The following SUMF1 variants were observed in gnomAD, a reference collection of about 807,000 sequenced individuals.
SUMF1 encodes the protein formylglycine-generating enzyme.
A neutral mutation model predicts 47.6 loss-of-function variants in SUMF1; 48 were observed. The ratio of observed to expected loss-of-function variants is 1.01; its 90% CI spans 0.80 to 1.28. The LOEUF is 1.28. Ranked by LOEUF, SUMF1 falls within the 50% of genes most tolerant of loss-of-function variation. The pLI is 0.00. For synonymous variants in SUMF1, 230 were observed against 192.1 expected, an observed-to-expected ratio of 1.20 and a Z score of -1.63; for missense variants, 571 against 485.4, an observed-to-expected ratio of 1.18 and a Z score of -1.66.
intron 8 of SUMF1, among the ~76,000 whole-genome samples, chr3:4,159,680 C>G (rs1031231428): frequency 6.6e-6 from 1 of 152,002 alleles, no homozygotes; most frequent in Non-Finnish European, 1.5e-5. Context: ...TAAATAACAT[C>G]CTTTTCTTAA....
intron 9 of SUMF1, among the ~76,000 whole-genome samples, chr3:4,055,664 G>A (rs972861831): frequency 6.6e-6 from 1 of 151,974 alleles, no homozygotes; most frequent in African/African-American, 2.4e-5. Context: ...TACATTTTTT[G>A]TAGAGATGGG....
chr3:4,436,852 A>T (rs369666362), intron 3 of SUMF1, among the ~76,000 whole-genome samples: 305 of 83,016 alleles, frequency 3.7e-3, no homozygotes, highest in African/African-American at 8.8e-3. Context: ...TGCATCACCT[A>T]AAAAAAAAAA....
chr3:4,284,872 A>G (rs999351943), intron 8 of SUMF1, among the ~76,000 whole-genome samples: 4 of 152,202 alleles, frequency 2.6e-5, no homozygotes, highest in Admixed American at 2.0e-4. Context: ...TGTAAACTGA[A>G]TATCTTAGTA....
chr3:4,256,753 C>T (rs2125017866), intron 8 of SUMF1, among the ~76,000 whole-genome samples: 1 of 152,260 alleles, frequency 6.6e-6, no homozygotes, highest in African/African-American at 2.4e-5. Context: ...CTCCCTAACT[C>T]ATTTGATGAG....
intron 8 of SUMF1, among the ~76,000 whole-genome samples, chr3:4,333,820 A>T (rs945055047): frequency 6.7e-6 from 1 of 148,356 alleles, no homozygotes; most frequent in Non-Finnish European, 1.5e-5. Flanking sequence ...TAAGCACATA[A>T]TTTTTTTTTT....
intron 8 of SUMF1, among the ~76,000 whole-genome samples, chr3:4,258,400 T>C (rs1485270408): frequency 7.1e-6 from 1 of 141,536 alleles, no homozygotes; most frequent in African/African-American, 2.8e-5. Flanking sequence ...TACAATGAAC[T>C]CAAACAAATT....
rs192219525 is a variant in SUMF1 at position 4,075,152 on chromosome 3, G to A, written c.1015-6407C>T. On this transcript the variant is annotated intron_variant and NMD_transcript_variant, in intron 8 of 12. Transcript: ENST00000448413. ...CATCAAAAAGCTTATCCACCACCAA[G>A]TCGGCTTCATCCCTGGGATGCAAGG... 1.5e-3 allele frequency among the ~76,000 whole-genome samples: 228 copies of A among 151,570 alleles called. 3 individuals are homozygous for A. The highest frequency in any genetic ancestry group is 0.012 in the Admixed American group (185 of 15,194).
chr3:4,253,441 C>A (rs929919435), intron 8 of SUMF1, among the ~76,000 whole-genome samples: 1 of 152,170 alleles, frequency 6.6e-6, no homozygotes, highest in African/African-American at 2.4e-5. Flanking sequence ...GAGGCATTGC[C>A]TCACCTGGGA....
rs112055762 is a variant in SUMF1, at chr3:4,240,969, T to C, written c.1014+135361A>G. Reference sequence around the variant, plus strand: ...TCAGGACACTAGGCCAAACCAAAGATACGATATCCTTTCCTAATATTATGA... The same window carrying C: ...TCAGGACACTAGGCCAAACCAAAGACACGATATCCTTTCCTAATATTATGA... On this transcript the variant is annotated intron_variant and NMD_transcript_variant, in intron 8 of 12. Transcript: ENST00000448413. Among the ~76,000 whole-genome samples, 1,008 of 152,186 alleles carry C rather than the reference T, an allele frequency of 6.6e-3. 13 individuals are homozygous for C. The highest frequency in any genetic ancestry group is 0.023 in the African/African-American group (958 of 41,548).
intron 2 of SUMF1, among the ~76,000 whole-genome samples, chr3:4,452,097 TTAA>T (rs1415534681): frequency 2.0e-5 from 3 of 152,118 alleles, no homozygotes; most frequent in African/African-American, 7.2e-5. Flanking sequence ...AATTATTCAT[TTAA>T]TAATAATTTA....
intron 3 of SUMF1, among the ~76,000 whole-genome samples, chr3:4,448,518 T>C (rs1313239667): frequency 5.3e-5 from 8 of 152,200 alleles, no homozygotes. Context: ...CTCTTTGTTT[T>C]GTGAACCCTC....
chr3:4,248,044 G>C (rs1474650079), intron 8 of SUMF1, among the ~76,000 whole-genome samples: 1 of 152,200 alleles, frequency 6.6e-6, no homozygotes, highest in Non-Finnish European at 1.5e-5. Flanking sequence ...CAAATGTTTA[G>C]TGATGGTGAT....
chr3:4,249,667 C>A (rs1696749188), intron 8 of SUMF1, among the ~76,000 whole-genome samples: 1 of 152,154 alleles, frequency 6.6e-6, no homozygotes, highest in South Asian at 2.1e-4. Context: ...CAACTAATAA[C>A]CCTAAAATGG....
chr3:4,099,220 C>T (rs115164412), intron 8 of SUMF1, among the ~76,000 whole-genome samples: 4 of 152,032 alleles, frequency 2.6e-5, no homozygotes, highest in Admixed American at 2.6e-4. Context: ...TACACCTCCC[C>T]ACTCCGTACA....
chr3:4,095,194 T>C (rs1334795229), intron 8 of SUMF1, among the ~76,000 whole-genome samples: 2 of 152,106 alleles, frequency 1.3e-5, no homozygotes, highest in African/African-American at 4.8e-5. Flanking sequence ...AATGATTTTT[T>C]ACAGGGTAGA....
chr3:4,434,372 T>C (rs749645264), intron 3 of SUMF1, among the ~76,000 whole-genome samples: 15 of 152,256 alleles, frequency 9.9e-5, no homozygotes, highest in East Asian at 1.9e-4. Flanking sequence ...ATTTATTTCA[T>C]AGTAAATTTC....
At chr3:4,402,272 A>G (rs1484471768) in intron 7 of SUMF1, among the ~76,000 whole-genome samples, 3 of 152,108 alleles carry the variant, frequency 2.0e-5, no homozygotes, top group Admixed American at 6.6e-5. Context: ...GATCCCATGG[A>G]CCTATCATAG....
intron 9 of SUMF1, among the ~76,000 whole-genome samples, chr3:4,054,173 CTT>C (rs56903136): frequency 0.34 from 51,247 of 151,814 alleles, 9,471 homozygotes; most frequent in East Asian, 0.66. Context: ...AGATAAATAA[CTT>C]TTAAATAAAT....
intron 8 of SUMF1, among the ~76,000 whole-genome samples, chr3:4,151,461 A>G (rs774084687): frequency 7.0e-6 from 1 of 143,008 alleles, no homozygotes; most frequent in Non-Finnish European, 1.5e-5. Context: ...ATACATGTGT[A>G]TATATGTATA....
Sources: gnomAD v4.1 joint callset for allele counts (sites outside exome capture counted in the v4.1 genomes callset) on GRCh38, gnomAD v4.1.1 for gene constraint, MANE v1.5 for transcripts, NCBI Gene and HGNC (gene_info 2026-07-23, HGNC 2026-07-21) for gene names.